The following GNB1 variants were observed in gnomAD, a reference collection of about 807,000 sequenced individuals.
GNB1 encodes the protein G protein subunit beta 1, also known as guanine nucleotide-binding protein G(I)/G(S)/G(T) subunit beta-1.
A neutral mutation model predicts 42.9 loss-of-function variants in GNB1; 2 were observed. The ratio of observed to expected loss-of-function variants is 0.05; its 90% CI spans 0.02 to 0.15. The LOEUF (loss-of-function observed/expected upper bound fraction) is 0.15, where lower values mean the gene tolerates loss of function less well. Among genes scored for constraint, GNB1 ranks in the 10% least tolerant of loss-of-function variants. GNB1 has a pLI of 1.00. For synonymous variants in GNB1, 183 were observed against 174.7 expected (o/e 1.05, Z -0.38); for missense variants, 193 against 462.2 (o/e 0.42, Z 5.34).
At chr1:1,876,330 A>C (rs1268822791) in intron 1 of GNB1, among the ~76,000 whole-genome samples, 1 of 152,094 alleles carries the variant, frequency 6.6e-6, no homozygotes, top group African/African-American at 2.4e-5. Flanking sequence ...TAATAGAGAC[A>C]GGGCTGGAGT....
intron 4 of GNB1, chr1:1,817,577 GACAATA>G (rs1333595237): frequency 1.6e-5 from 5 of 313,262 alleles, no homozygotes; most frequent in Non-Finnish European, 3.0e-5. Context: ...AATATCTTAA[GACAATA>G]ACAATATTTT....
Position 1,786,701 on chromosome 1 carries a change from T to A in GNB1, c.*362A>T, listed in dbSNP as rs927140855. The A allele has an allele frequency of 6.6e-6, 1 of 152,222 alleles. No individual in the cohort carries two copies. Among genetic ancestry groups the A allele is most frequent in the Non-Finnish European group, 1.5e-5 (1 of 68,046 alleles). The allele number at this position is 152,222 out of a possible 1,614,324, so 9.4% of individuals were successfully genotyped here. A position where few individuals can be genotyped will look rare whatever the true frequency, so the allele number is the denominator to read the frequency against. On this transcript the variant is annotated 3_prime_UTR_variant, in exon 12 of 12. Coordinates refer to ENST00000378609, the MANE Select transcript of GNB1 (RefSeq NM_002074.5). ...CAAAACAGGGTCACTGGTCTAAAAT[T>A]CAAATACACTGGTGGAAAAGTGTGT...
intron 2 of GNB1, among the ~76,000 whole-genome samples, chr1:1,833,569 A>G (rs1000013294): frequency 6.6e-6 from 1 of 152,194 alleles, no homozygotes; most frequent in South Asian, 2.1e-4. Context: ...CATGGTGCTG[A>G]GCAGCATGAA....
intron 1 of GNB1, among the ~76,000 whole-genome samples, chr1:1,883,278 C>CAA (rs70937202): frequency 1.1e-3 from 85 of 75,368 alleles, no homozygotes; most frequent in East Asian, 3.4e-3. Flanking sequence ...AACCCTGTCC[C>CAA]AAAAAAAAAA....
rs577223129 is a variant in GNB1 at position 1,796,481 on chromosome 1, G to T, written c.431-3170C>A. ...AAGTCCCAGCCTCCCCATGTAACTG[G>T]GGAACTGATGGGAGGAGCAGAGCTG... On this transcript the variant is annotated intron_variant, in intron 7 of 11. Transcript: ENST00000378609. Among the ~76,000 whole-genome samples, 4 of 152,324 alleles carry T rather than the reference G, an allele frequency of 2.6e-5. No homozygotes were observed. The East Asian group carries it at 5.8e-4, about 22-fold the overall frequency.
chr1:1,878,862 C>T (rs1041981653), intron 1 of GNB1, among the ~76,000 whole-genome samples: 1 of 152,220 alleles, frequency 6.6e-6, no homozygotes, highest in Non-Finnish European at 1.5e-5. Flanking sequence ...CCTCACCCCA[C>T]TGGAACTCAC....
At chr1:1,812,437 C>A (rs1480287409) in intron 5 of GNB1, among the ~76,000 whole-genome samples, 1 of 151,906 alleles carries the variant, frequency 6.6e-6, no homozygotes, top group Non-Finnish European at 1.5e-5. Flanking sequence ...CACCCTCCCC[C>A]CAAAAAACCT....
At chr1:1,857,101 C>G (rs1329343953) in intron 1 of GNB1, among the ~76,000 whole-genome samples, 1 of 152,184 alleles carries the variant, frequency 6.6e-6, no homozygotes, top group Non-Finnish European at 1.5e-5. Flanking sequence ...TTAACTACAT[C>G]TTTTAGGAAA....
At chr1:1,888,413 T>C (rs908581611) in intron 1 of GNB1, among the ~76,000 whole-genome samples, 1 of 150,380 alleles carries the variant, frequency 6.6e-6, no homozygotes, top group Non-Finnish European at 1.5e-5. Context: ...TCAGTGTTGA[T>C]GAAACCAAAT....
Position 1,790,401 on chromosome 1 carries a change from G to A in GNB1, c.693C>T (p.Ala231=). The change falls in exon 9 of 12, where the codon GCC becomes GCT. Residue 231 remains alanine, a synonymous_variant. Transcript: ENST00000378609. This position sits in a 1 kb window ranked among gnomAD's most constrained non-coding sequence, Gnocchi z 5.4. The part of the protein sequence containing the change: ...TFTGHESDIN[A]ICFFPNGNAF... ...CACCTCCACCCAGACTCACGCAAAT[G>A]GCATTGATGTCAGACTCGTGGCCAG... 1.2e-6 allele frequency: 2 copies of A among 1,610,844 alleles called. No homozygotes were observed. The highest frequency in any genetic ancestry group is 1.7e-6 in the Non-Finnish European group (2 of 1,177,008).
At chr1:1,842,470 T>C (rs1405744769) in intron 1 of GNB1, among the ~76,000 whole-genome samples, 1 of 150,268 alleles carries the variant, frequency 6.7e-6, no homozygotes. Flanking sequence ...GTCCTGTCTC[T>C]GCTAGAACAC....
intron 1 of GNB1, among the ~76,000 whole-genome samples, chr1:1,885,351 T>TG (rs1421006602): frequency 6.7e-6 from 1 of 149,846 alleles, no homozygotes; most frequent in Non-Finnish European, 1.5e-5. Context: ...AGGCAGAAGT[T>TG]GCAGTGAGCC....
At chr1:1,803,285 C>T (rs1050536887) in intron 7 of GNB1, among the ~76,000 whole-genome samples, 1 of 152,230 alleles carries the variant, frequency 6.6e-6, no homozygotes, top group Non-Finnish European at 1.5e-5. Flanking sequence ...CTAGCACTTA[C>T]GGCCACAGGG....
chr1:1,800,826 A>T (rs1354510293), intron 7 of GNB1, among the ~76,000 whole-genome samples: 1 of 152,288 alleles, frequency 6.6e-6, no homozygotes, highest in East Asian at 1.9e-4. Flanking sequence ...CAGCAAAAAT[A>T]CCCTTCAAGA....
chr1:1,877,223 T>G (rs1318529554), intron 1 of GNB1, among the ~76,000 whole-genome samples: 3 of 146,184 alleles, frequency 2.1e-5, no homozygotes, highest in Non-Finnish European at 4.5e-5. Flanking sequence ...TCGCCTGAGC[T>G]GGGGAGGTGG....
chr1:1,875,669 C>CA (rs891642320), intron 1 of GNB1, among the ~76,000 whole-genome samples: 5 of 152,126 alleles, frequency 3.3e-5, no homozygotes, highest in Non-Finnish European at 7.4e-5. Context: ...CCACTGCATC[C>CA]GGCCCCTTTT....
intron 5 of GNB1, among the ~76,000 whole-genome samples, chr1:1,808,193 G>A (rs932320649): frequency 4.0e-5 from 6 of 151,840 alleles, no homozygotes; most frequent in Non-Finnish European, 7.4e-5. Flanking sequence ...TAGTAGAGAC[G>A]GGGTTTCTCC....
intron 7 of GNB1, among the ~76,000 whole-genome samples, chr1:1,794,867 T>A (rs1464431853): frequency 6.6e-6 from 1 of 152,064 alleles, no homozygotes; most frequent in Admixed American, 6.6e-5. Context: ...TTTTTGTATT[T>A]TTAGTAGAGA....
intron 1 of GNB1, among the ~76,000 whole-genome samples, chr1:1,847,371 G>A (rs1647724765): frequency 6.6e-6 from 1 of 152,156 alleles, no homozygotes; most frequent in African/African-American, 2.4e-5. Context: ...GCCAGTAAGG[G>A]ATTGCCTTTT....
Sources: gnomAD v4.1 joint callset for allele counts (sites outside exome capture counted in the v4.1 genomes callset) on GRCh38, gnomAD v4.1.1 for gene constraint, Gnocchi (gnomAD v3.1) non-coding constraint, MANE v1.5 for transcripts, NCBI Gene and HGNC (gene_info 2026-07-23, HGNC 2026-07-21) for gene names.